Variants in SLC4A11 observed in about 807,000 individuals in gnomAD.
SLC4A11 encodes solute carrier family 4 member 11.
SLC4A11 carries 74 observed loss-of-function variants against 95.0 expected under a neutral mutation model. That is an observed-to-expected ratio of 0.78 (90% CI 0.65 to 0.95). SLC4A11 has a LOEUF of 0.95. SLC4A11 is among the 40% of genes least tolerant of loss of function. The probability of loss-of-function intolerance (pLI) is 0.00; values close to 1 mark genes in which losing one functional copy is unlikely to be tolerated. For missense variants in SLC4A11, 1,081 were observed against 1,192.4 expected, an observed-to-expected ratio of 0.91 and a Z score of 1.38; for synonymous variants, 548 against 519.0, an observed-to-expected ratio of 1.06 and a Z score of -0.76.
chr20:3,234,164 C>T lies in SLC4A11; in HGVS notation c.442G>A (p.Asp148Asn). 1 of 1,614,134 alleles carries T rather than the reference C, an allele frequency of 6.2e-7. No individual in the cohort carries two copies. The highest frequency in any genetic ancestry group is 8.5e-7 in the Non-Finnish European group (1 of 1,180,026). Reference sequence around the variant, plus strand: ...AGGTTGCAGTTGGGCTCATTGTTGTCAGGGTCCCTGGCGAAGCGGCGAAGC... The same window carrying T: ...AGGTTGCAGTTGGGCTCATTGTTGTTAGGGTCCCTGGCGAAGCGGCGAAGC... Reference protein sequence around the residue: ...TMLRRFARDPDNNEPNCNLDL... With the variant: ...TMLRRFARDPNNNEPNCNLDL... Residue 148 changes from aspartate (D) to asparagine (N), a missense_variant, in exon 5 of 20, where the codon GAC (aspartate) becomes AAC (asparagine). Physicochemically the swap from Asp to Asn is conservative, Grantham distance 23. Transcript: ENST00000642402. The surrounding 1 kb of genome is among the most constrained non-coding windows in gnomAD (Gnocchi z 5.8).
chr20:3,229,176 A>G lies in SLC4A11; in HGVS notation c.1937T>C (p.Met646Thr), dbSNP rs756489342. ...SLSLRAVSGA[M>T]GLGFLLSMLF... is the part of the protein sequence containing the mutation. ...CATGGACAGCAGGAAGCCGAGGCCC[A>G]TGGCACCGCTGACGGCCCTCAGGGA... The change falls in exon 16 of 20, where the codon ATG (methionine) becomes ACG (threonine). Residue 646 changes from methionine to threonine, a missense_variant. Around this residue, in one of 3 missense-constraint regions of SLC4A11, gnomAD observed 767 missense variants for 858.0 expected, o/e 0.89. Coordinates refer to ENST00000642402, the MANE Select transcript of SLC4A11 (RefSeq NM_001174089.2). 27 of 1,611,336 alleles carry G rather than the reference A, an allele frequency of 1.7e-5. No individual in the cohort carries two copies. The South Asian group carries it at 3.0e-4, about 18-fold the overall frequency.
Position 3,234,728 on chromosome 20 carries a change from T to G in SLC4A11, c.241+14A>C. 6.2e-7 allele frequency: 1 copy of G among 1,613,922 alleles called. No homozygotes were observed. Among genetic ancestry groups the G allele is most frequent in the Non-Finnish European group, 8.5e-7 (1 of 1,179,992 alleles). ...GTGCCTTCCCCCAGTCTGCCCCTGCTGCAGCCCCCATACCAGTGTTGGTGG... is the reference window on the plus strand; with the variant it reads ...GTGCCTTCCCCCAGTCTGCCCCTGCGGCAGCCCCCATACCAGTGTTGGTGG... On this transcript the variant is annotated intron_variant, in intron 3 of 19. Coordinates refer to ENST00000642402, the MANE Select transcript of SLC4A11 (RefSeq NM_001174089.2). The surrounding 1 kb of genome is among the most constrained non-coding windows in gnomAD (Gnocchi z 5.8).
At chr20:3,230,483 G>A in intron 12 of SLC4A11, 32 bp downstream of exon 12, 1 of 1,613,458 alleles carries the variant, frequency 6.2e-7, no homozygotes, top group Non-Finnish European at 8.5e-7. Flanking sequence ...CAAGCCTTGA[G>A]GGTCCCAGCA....
chr20:3,228,327 G>A lies in SLC4A11; in HGVS notation c.2490C>T (p.Phe830=), dbSNP rs761356123. The change falls in exon 19 of 20, where the codon TTC becomes TTT. Residue 830 remains phenylalanine (F), a synonymous_variant. Transcript: ENST00000642402. The stretch of plus-strand genomic sequence containing the variant: ...TCATGTAGGGCAGGGAGCTCATGCC[G>A]AAGGCACACAGCAGCAGCAGCTGAA... The part of the protein sequence containing the change: ...QVLQLLLLCA[F]GMSSLPYMKM... 2.2e-5 allele frequency: 35 copies of A among 1,613,072 alleles called. No individual in the cohort carries two copies. Among genetic ancestry groups the A allele is most frequent in the Middle Eastern group, 3.3e-4 (2 of 6,084 alleles).
chr20:3,230,286 A>G lies in SLC4A11; in HGVS notation c.1416-26T>C, dbSNP rs941625115. 4 of 1,612,928 alleles carry G rather than the reference A, an allele frequency of 2.5e-6. No homozygotes were observed. The African/African-American group carries it at 5.3e-5, about 22-fold the overall frequency. On this transcript the variant is annotated intron_variant, in intron 12 of 19. Coordinates refer to ENST00000642402, the MANE Select transcript of SLC4A11 (RefSeq NM_001174089.2). Reference sequence around the variant, plus strand: ...CTGCCAGGAGGCCATGAGCCTCATCAGAGTGGGTGTGGTCAGGGGGCAGGT... The same window carrying G: ...CTGCCAGGAGGCCATGAGCCTCATCGGAGTGGGTGTGGTCAGGGGGCAGGT...
intron 19 of SLC4A11, 139 bp downstream of exon 19, chr20:3,228,120 A>T: frequency 1.5e-6 from 1 of 659,468 alleles, no homozygotes; most frequent in Non-Finnish European, 2.4e-6. Flanking sequence ...CCTAGGCAGG[A>T]CCCCTCCTCC....
Position 3,234,845 on chromosome 20 carries a change from G to C in SLC4A11, c.138C>G (p.Ile46Met). The C allele has an allele frequency of 6.2e-7, 1 of 1,614,042 alleles. No homozygotes were observed. ...TDDTFEAREEILGDEAFDTAN... is the reference protein window; with the variant it reads ...TDDTFEAREEMLGDEAFDTAN... ...CAGTGTCGAAGGCCTCATCCCCCAG[G>C]ATCTCCTCTCGGGCTTCGAAGGTGT... The change falls in exon 3 of 20, where the codon ATC becomes ATG. Residue 46 changes from isoleucine to methionine, a missense_variant. Ile to Met is a conservative substitution (Grantham distance 10). This residue lies in a region of SLC4A11 where 310 missense variants were observed against 313.5 expected (regional missense o/e 0.99). Transcript: ENST00000642402. This position sits in a 1 kb window ranked among gnomAD's most constrained non-coding sequence, Gnocchi z 5.8.
Position 3,230,767 on chromosome 20 carries a change from A to G in SLC4A11, c.1247T>C (p.Leu416Pro), listed in dbSNP as rs766252376. 1.9e-6 allele frequency: 3 copies of G among 1,613,346 alleles called. No homozygotes were observed. The highest frequency in any genetic ancestry group is 4.5e-5 in the East Asian group (2 of 44,858). Residue 416 changes from leucine to proline, a missense_variant, in exon 11 of 20, where the codon CTG (leucine) becomes CCG (proline). Leu to Pro is a moderately conservative substitution (Grantham distance 98). Around this residue, in one of 3 missense-constraint regions of SLC4A11, gnomAD observed 767 missense variants for 858.0 expected, o/e 0.89. Coordinates refer to ENST00000642402, the MANE Select transcript of SLC4A11 (RefSeq NM_001174089.2). The stretch of plus-strand genomic sequence containing the variant: ...GAGCGCCAGGGGCGCGGTGGTCAGC[A>G]GAATCACCAATGGCTGCCCAGAGAA... ...ALFSGQPLVI[L>P]LTTAPLALYI...
chr20:3,230,979 G>A lies in SLC4A11; in HGVS notation c.1122C>T (p.Thr374=), dbSNP rs1416369981. 1 of 1,613,760 alleles carries A rather than the reference G, an allele frequency of 6.2e-7. No homozygotes were observed. The highest frequency in any genetic ancestry group is 1.7e-5 in the Admixed American group (1 of 60,014). The change falls in exon 10 of 20, where the codon ACC becomes ACT. Residue 374 remains threonine, a synonymous_variant. Coordinates refer to ENST00000642402, the MANE Select transcript of SLC4A11 (RefSeq NM_001174089.2). ...LFLYFACLLP[T]IAFGSLNDEN... is the part of the protein sequence containing the mutation. ...CGTCATTGAGAGACCCGAAAGCGAT[G>A]GTGGGCAGGAGGCAGGCGAAGTAGA...
intron 2 of SLC4A11, among the ~76,000 whole-genome samples, chr20:3,236,602 CA>C (rs551484350): frequency 1.3e-3 from 127 of 99,876 alleles, no homozygotes; most frequent in African/African-American, 4.4e-3. Flanking sequence ...CAAAACAAAA[CA>C]AAACAAAACA....
rs942063481 is a variant in SLC4A11 at position 3,238,562 on chromosome 20, G to C, written c.43+533C>G. On this transcript the variant is annotated intron_variant, in intron 1 of 19. Coordinates refer to ENST00000642402, the MANE Select transcript of SLC4A11 (RefSeq NM_001174089.2). The stretch of plus-strand genomic sequence containing the variant: ...GTCGTACAAACCTGGGTCCTGGCGG[G>C]GACCCAGGGCTGGCCCTCCCGTGTC... 104 of 990,894 alleles carry C rather than the reference G, an allele frequency of 1.0e-4. No homozygotes were observed. The African/African-American group carries it at 1.8e-3, about 17-fold the overall frequency. 61.4% of individuals were successfully genotyped at this position (990,894 alleles called of 1,614,324 possible).
chr20:3,237,818 G>C (rs2068032137), intron 1 of SLC4A11: 1 of 1,571,772 alleles, frequency 6.4e-7, no homozygotes, highest in Non-Finnish European at 8.6e-7. Context: ...CATCTGCTAG[G>C]GGCTGCCCAG....
chr20:3,228,688 TC>T lies in SLC4A11; in HGVS notation c.2211del (p.Thr738ArgfsTer3). On this transcript the variant is annotated frameshift_variant, in exon 18 of 20. Transcript: ENST00000642402. LOFTEE classifies it high-confidence loss of function. ...CTGGCGCCCAGCGAGGTCAGCCGCG[TC>T]TCCTTCACGTTCACAATCCTGCGGT... ...HIYDTIVNVKETRLTSLGASV... is the reference protein window; with the variant it reads ...HIYDTIVNVKXTRLTSLGASV... 1 of 1,612,848 alleles carries T rather than the reference TC, an allele frequency of 6.2e-7. No individual in the cohort carries two copies. Among genetic ancestry groups the T allele is most frequent in the South Asian group, 1.1e-5 (1 of 91,072 alleles).
chr20:3,233,449 C>T, intron 7 of SLC4A11, 65 bp downstream of exon 7: 2 of 1,606,660 alleles, frequency 1.2e-6, no homozygotes, highest in Non-Finnish European at 1.7e-6. Flanking sequence ...GGGAGGGGAC[C>T]CCAAGCAGAG....
At position 3,233,918 on chromosome 20, in the gene SLC4A11, C is replaced by T. The variant is rs1482588471; in HGVS notation, c.605+3G>A. On this transcript the variant is annotated splice_donor_region_variant and intron_variant, in intron 6 of 19. Transcript: ENST00000642402. ...AGGGGGGCCAAGTGGCCTGGCAACT[C>T]ACATGATGCAGAGCCACGACTGCTG... 6.2e-7 allele frequency: 1 copy of T among 1,612,736 alleles called. No homozygotes were observed. Among genetic ancestry groups the T allele is most frequent in the Non-Finnish European group, 8.5e-7 (1 of 1,179,994 alleles).
chr20:3,239,046 C>T (rs6084314), intron 1 of SLC4A11, 49 bp downstream of exon 1: 434,313 of 1,463,346 alleles, frequency 0.3, 69,652 homozygotes, highest in African/African-American at 0.57. Context: ...GAGACGGTGG[C>T]GGAGACCCGG....
chr20:3,227,921 AGCCC>A, intron 19 of SLC4A11, 65 bp from the exon 20 acceptor site: 1 of 1,166,234 alleles, frequency 8.6e-7, no homozygotes, highest in Non-Finnish European at 1.1e-6. Flanking sequence ...CACCCATCCC[AGCCC>A]ACCCCAGCCC....
chr20:3,230,001 C>A (rs1213286835), intron 13 of SLC4A11, among the ~76,000 whole-genome samples, 186 bp downstream of exon 13: 1 of 152,186 alleles, frequency 6.6e-6, no homozygotes, highest in African/African-American at 2.4e-5. Context: ...CCTGGGGCGG[C>A]CCCGTCACCC....
At chr20:3,239,217 G>A, upstream of SLC4A11, 2 of 1,320,464 alleles carry the variant, frequency 1.5e-6, no homozygotes, top group Non-Finnish European at 1.9e-6. Context: ...GACTCGGGCG[G>A]GCCGGCGGCG....
Sources: allele counts gnomAD v4.1 joint callset (sites outside exome capture counted in the v4.1 genomes callset), GRCh38; gene constraint gnomAD v4.1.1; regional missense constraint gnomAD v4.1.1; non-coding constraint Gnocchi (gnomAD v3.1); transcripts MANE v1.5; gene names NCBI Gene and HGNC (gene_info 2026-07-23, HGNC 2026-07-21).